The following MACROD2 variants were observed in gnomAD, a reference collection of about 807,000 sequenced individuals.
MACROD2 encodes the protein mono-ADP ribosylhydrolase 2, also known as ADP-ribose glycohydrolase MACROD2.
In MACROD2, 36 loss-of-function variants were observed where a neutral mutation model predicts 70.4. That is an observed-to-expected ratio of 0.51 (90% CI 0.39 to 0.68). The LOEUF is 0.68. MACROD2 is among the 30% of genes least tolerant of loss of function. MACROD2 has a pLI of 0.00. For missense variants in MACROD2, 496 were observed against 538.4 expected (o/e 0.92, Z 0.78); for synonymous variants, 172 against 178.8 (o/e 0.96, Z 0.30).
intron 6 of MACROD2, among the ~76,000 whole-genome samples, chr20:15,300,169 T>A (rs1400353067): frequency 1.3e-5 from 2 of 152,192 alleles, no homozygotes; most frequent in Non-Finnish European, 2.9e-5. Context: ...CTGTTATTAA[T>A]GTAGCTTAAG....
chr20:14,217,608 G>T (rs1222508038), intron 3 of MACROD2, among the ~76,000 whole-genome samples: 1 of 152,006 alleles, frequency 6.6e-6, no homozygotes, highest in Non-Finnish European at 1.5e-5. Context: ...TGAATGTCTG[G>T]TAGAATTCTG....
intron 8 of MACROD2, among the ~76,000 whole-genome samples, chr20:15,568,080 A>C (rs2048331627): frequency 6.6e-6 from 1 of 152,240 alleles, no homozygotes; most frequent in Non-Finnish European, 1.5e-5. Flanking sequence ...TATGAGCCAC[A>C]GGGCCTGGGG....
chr20:15,376,088 A>G (rs2045558898), intron 6 of MACROD2, among the ~76,000 whole-genome samples: 1 of 152,200 alleles, frequency 6.6e-6, no homozygotes, highest in Admixed American at 6.5e-5. Context: ...GCCATCCTTG[A>G]GAACTTGTCA....
chr20:14,672,007 T>C (rs1334932735), intron 4 of MACROD2, among the ~76,000 whole-genome samples: 2 of 152,238 alleles, frequency 1.3e-5, no homozygotes, highest in Non-Finnish European at 2.9e-5. Flanking sequence ...TATTTAACCT[T>C]ATTGTTTTGT....
chr20:14,483,357 A>AT (rs2084684284), intron 3 of MACROD2, among the ~76,000 whole-genome samples: 1 of 151,842 alleles, frequency 6.6e-6, no homozygotes, highest in African/African-American at 2.4e-5. Flanking sequence ...TTTTTGATAG[A>AT]TTTTCCATAT....
In MACROD2 at chr20:15,517,723, A is replaced by C. The variant is rs562821490; in HGVS notation, c.645+17876A>C. 1.2e-3 allele frequency among the ~76,000 whole-genome samples: 187 copies of C among 152,306 alleles called. 4 individuals carry two copies. Among genetic ancestry groups the C allele is most frequent in the Middle Eastern group, 3.4e-3 (1 of 294 alleles). On this transcript the variant is annotated intron_variant, in intron 8 of 17. Coordinates refer to ENST00000684519, the MANE Select transcript of MACROD2 (RefSeq NM_001351661.2). ...GAATCCAGGAGCGTTTACTGCAAAGACTGACAGCAATGGGCCCCTTGTGCG... is the reference window on the plus strand; with the variant it reads ...GAATCCAGGAGCGTTTACTGCAAAGCCTGACAGCAATGGGCCCCTTGTGCG...
At chr20:15,355,479 G>A (rs1382082510) in intron 6 of MACROD2, among the ~76,000 whole-genome samples, 2 of 152,142 alleles carry the variant, frequency 1.3e-5, no homozygotes, top group Non-Finnish European at 2.9e-5. Context: ...GCACATCAAT[G>A]CATACACCAC....
At chr20:15,469,749 G>T (rs528860074) in intron 7 of MACROD2, among the ~76,000 whole-genome samples, 4 of 152,088 alleles carry the variant, frequency 2.6e-5, no homozygotes, top group Non-Finnish European at 5.9e-5. Flanking sequence ...GGATTAAGGG[G>T]GTTTATGCAA....
chr20:15,430,132 C>A (rs995115642), intron 6 of MACROD2, among the ~76,000 whole-genome samples: 1 of 151,844 alleles, frequency 6.6e-6, no homozygotes, highest in Non-Finnish European at 1.5e-5. Context: ...TAGTATTCCA[C>A]CTACCATCTT....
At chr20:15,257,284 C>G (rs1306727025) in intron 6 of MACROD2, among the ~76,000 whole-genome samples, 1 of 151,990 alleles carries the variant, frequency 6.6e-6, no homozygotes, top group Non-Finnish European at 1.5e-5. Context: ...AGATGCCAAA[C>G]TGAGACAAAT....
At chr20:14,444,835 G>GTATA (rs534382023) in intron 3 of MACROD2, among the ~76,000 whole-genome samples, 3 of 150,970 alleles carry the variant, frequency 2.0e-5, no homozygotes, top group Non-Finnish European at 3.0e-5. Flanking sequence ...CTGTGTGTGT[G>GTATA]TATATATATA....
chr20:15,218,890 C>CA (rs1286378626), intron 5 of MACROD2, among the ~76,000 whole-genome samples: 3 of 151,894 alleles, frequency 2.0e-5, no homozygotes, highest in African/African-American at 4.8e-5. Context: ...ACTAAAAATA[C>CA]AAAAAATTAG....
chr20:15,487,741 G>T (rs1294399987), intron 7 of MACROD2, among the ~76,000 whole-genome samples: 1 of 152,148 alleles, frequency 6.6e-6, no homozygotes, highest in Non-Finnish European at 1.5e-5. Context: ...CAGGGGAGCT[G>T]AACACTGAGA....
chr20:15,530,668 T>C (rs1224352825), intron 8 of MACROD2, among the ~76,000 whole-genome samples: 1 of 147,572 alleles, frequency 6.8e-6, no homozygotes, highest in African/African-American at 2.5e-5. Flanking sequence ...GGAGCCGAGA[T>C]TGCGCCACTG....
chr20:15,500,465 C>T (rs2047350840), intron 8 of MACROD2, among the ~76,000 whole-genome samples: 1 of 152,190 alleles, frequency 6.6e-6, no homozygotes, highest in South Asian at 2.1e-4. Context: ...AACAAAGCAG[C>T]AAAATAACTA....
intron 3 of MACROD2, among the ~76,000 whole-genome samples, chr20:14,414,345 T>C (rs1468999697): frequency 6.6e-6 from 1 of 152,134 alleles, no homozygotes. Flanking sequence ...TTTCTCTTTT[T>C]CTCACATCTT....
chr20:14,235,705 C>G (rs374523238), intron 3 of MACROD2, among the ~76,000 whole-genome samples: 2 of 151,828 alleles, frequency 1.3e-5, no homozygotes, highest in Non-Finnish European at 2.9e-5. Context: ...ACTTTTTTCA[C>G]GATTCATTTA....
At chr20:14,098,312 G>A (rs1338053352) in intron 3 of MACROD2, among the ~76,000 whole-genome samples, 4 of 152,192 alleles carry the variant, frequency 2.6e-5, no homozygotes, top group Non-Finnish European at 5.9e-5. Context: ...TTTAGGACAA[G>A]TTGTCCAATT....
At chr20:15,280,917 G>T (rs1157944393) in intron 6 of MACROD2, 1 of 152,224 alleles carries the variant, frequency 6.6e-6, no homozygotes, top group African/African-American at 2.4e-5. Flanking sequence ...CTAAGACTGG[G>T]TAATTGATAA....
Sources: gnomAD v4.1 joint callset for allele counts (sites outside exome capture counted in the v4.1 genomes callset) on GRCh38, gnomAD v4.1.1 for gene constraint, MANE v1.5 for transcripts, NCBI Gene and HGNC (gene_info 2026-07-23, HGNC 2026-07-21) for gene names.